The following GOLGA8J variants were observed in gnomAD, a reference collection of about 807,000 sequenced individuals.
GOLGA8J encodes the protein golgin subfamily A member 8J.
GOLGA8J carries 19 observed loss-of-function variants against 67.7 expected under a neutral mutation model. That is an observed-to-expected ratio of 0.28 (90% CI 0.20 to 0.41). The LOEUF (loss-of-function observed/expected upper bound fraction) is 0.41. Among genes scored for constraint, GOLGA8J ranks in the 10% least tolerant of loss-of-function variants. The pLI is 1.00. For missense variants in GOLGA8J, 205 were observed against 584.3 expected (o/e 0.35, Z 6.69); for synonymous variants, 69 against 215.9 (o/e 0.32, Z 5.97).
chr15:30,085,205 C>T (rs1413196193), intron 2 of GOLGA8J, among the ~76,000 whole-genome samples: 1 of 67,916 alleles, frequency 1.5e-5, no homozygotes, highest in Non-Finnish European at 2.4e-5. Context: ...TGGTGTGAAC[C>T]TGGGAGGTGG....
At chr15:30,091,873 G>T (rs2057408144) in intron 14 of GOLGA8J, 169 bp from the exon 15 acceptor site, 2 of 612,898 alleles carry the variant, frequency 3.3e-6, no homozygotes, top group South Asian at 1.9e-5. Flanking sequence ...AGTGTGCCTG[G>T]GCGGAATAGC....
rs1205561876 is a variant in GOLGA8J at position 30,088,668 on chromosome 15, G to A, written c.592-72G>A. 121 of 1,264,280 alleles carry A rather than the reference G, an allele frequency of 9.6e-5. 4 individuals are homozygous for A. Among genetic ancestry groups the A allele is most frequent in the Non-Finnish European group, 1.1e-4 (96 of 875,728 alleles). The allele number at this position is 1,264,280 out of a possible 1,614,324, so 78.3% of individuals were successfully genotyped here. On this transcript the variant is annotated intron_variant, in intron 8 of 18. Transcript: ENST00000567927. The stretch of plus-strand genomic sequence containing the variant: ...GAGTTGTATATTGGGCCTAGCCCTA[G>A]CCCTTTTAAGGGGCACTGTGTGGAA...
At position 30,091,575 on chromosome 15, in the gene GOLGA8J, C is replaced by A; in HGVS notation, c.1241C>A (p.Thr414Lys). ...EAASQQNQQL[T>K]AQLSLMALPG... ...GCCAGCCAGCAGAACCAGCAGCTAA[C>A]GGCCCAGCTGAGCCTCATGGCTCTC... Residue 414 changes from threonine (T) to lysine (K), a missense_variant, in exon 14 of 19, where the codon ACG (threonine) becomes AAG (lysine). Thr to Lys is a moderately conservative substitution (Grantham distance 78). Coordinates refer to ENST00000567927, the MANE Select transcript of GOLGA8J (RefSeq NM_001282472.2). The A allele has an allele frequency of 6.4e-7, 1 of 1,564,552 alleles. No individual in the cohort carries two copies. Among genetic ancestry groups the A allele is most frequent in the Non-Finnish European group, 8.6e-7 (1 of 1,163,886 alleles).
chr15:30,085,561 T>A (rs1256575877), intron 2 of GOLGA8J, among the ~76,000 whole-genome samples: 1 of 28,192 alleles, frequency 3.5e-5, no homozygotes, highest in Middle Eastern at 7.2e-3. Context: ...ACCAGGACAA[T>A]GAGAACAGCC....
Position 30,093,250 on chromosome 15 carries a change from C to T in GOLGA8J, c.1723+11C>T, listed in dbSNP as rs760456430. The T allele has an allele frequency of 6.3e-7, 1 of 1,583,950 alleles. No individual in the cohort carries two copies. The highest frequency in any genetic ancestry group is 1.7e-5 in the Admixed American group (1 of 57,608). On this transcript the variant is annotated intron_variant, in intron 18 of 18. Coordinates refer to ENST00000567927, the MANE Select transcript of GOLGA8J (RefSeq NM_001282472.2). ...CAGACAAGCATGGTCGTGAGTAGAG[C>T]CCTCAGGTGGGGTGGGCAGGCAGGA...
chr15:30,092,414 C>G, intron 15 of GOLGA8J: 1 of 236,194 alleles, frequency 4.2e-6, no homozygotes, highest in East Asian at 1.9e-4. Flanking sequence ...TCCGCTGGAG[C>G]TAGTGCCCAG....
intron 15 of GOLGA8J, 157 bp from the exon 16 acceptor site, chr15:30,092,550 TG>T (rs967959752): frequency 1.5e-6 from 1 of 647,916 alleles, no homozygotes; most frequent in African/African-American, 2.1e-5. Context: ...CCCCAGGGCC[TG>T]GGGGCGAGTC....
Position 30,092,070 on chromosome 15 carries a change from G to T in GOLGA8J, c.1305G>T (p.Glu435Asp), listed in dbSNP as rs560259389. 1.6e-5 allele frequency: 26 copies of T among 1,595,694 alleles called. 1 individual carries two copies. Among genetic ancestry groups the T allele is most frequent in the African/African-American group, 9.8e-5 (7 of 71,342 alleles). Residue 435 changes from glutamate to aspartate, a missense_variant, in exon 15 of 19, where the codon GAG (glutamate) becomes GAT (aspartate). Coordinates refer to ENST00000567927, the MANE Select transcript of GOLGA8J (RefSeq NM_001282472.2). ...EGHGGEHLDS[E>D]GEEAPRPMPS... ...ACGGAGGAGAACATCTGGACAGTGA[G>T]GGGGAGGAGGCACCTCGGCCCATGC...
intron 1 of GOLGA8J, among the ~76,000 whole-genome samples, 153 bp from the exon 2 acceptor site, chr15:30,084,618 C>A (rs1164658704): frequency 1.9e-5 from 2 of 103,888 alleles, no homozygotes; most frequent in Non-Finnish European, 3.5e-5. Context: ...ATCAATCCTT[C>A]TCAGTCACTA....
In GOLGA8J at chr15:30,090,413, G is replaced by A. The variant is rs532471531; in HGVS notation, c.1200+133G>A. 2.0e-5 allele frequency: 31 copies of A among 1,525,980 alleles called. No homozygotes were observed. The East Asian group carries it at 7.2e-4, about 35-fold the overall frequency. The allele number at this position is 1,525,980 out of a possible 1,614,324, so 94.5% of individuals were successfully genotyped here. Reference sequence around the variant, plus strand: ...GGTGACCACAGCACCCCCCAGGGCAGTCCTGTGACTGTTTCTTGCTTCCTG... The same window carrying A: ...GGTGACCACAGCACCCCCCAGGGCAATCCTGTGACTGTTTCTTGCTTCCTG... On this transcript the variant is annotated intron_variant, in intron 13 of 18. Transcript: ENST00000567927.
In GOLGA8J at chr15:30,094,323, T is replaced by C. The variant is rs1489052930; in HGVS notation, c.*824T>C. Among the ~76,000 whole-genome samples the C allele has an allele frequency of 1.4e-5, 2 of 148,014 alleles. No individual in the cohort carries two copies. The highest frequency in any genetic ancestry group is 6.7e-5 in the Admixed American group (1 of 14,990). ...TTTTCGATGACCTAAAAAGGGCTTA[T>C]TTCTGAGGAATGAAAGGTTCCCATC... On this transcript the variant is annotated 3_prime_UTR_variant, in exon 19 of 19. Transcript: ENST00000567927.
Position 30,084,734 on chromosome 15 carries a change from C to A in GOLGA8J, c.49-37C>A. Reference sequence around the variant, plus strand: ...AGGAGGATGTGGCTGTAGGGGCTGACGGTTCTCATGAGTATTACTGCTCTT... The same window carrying A: ...AGGAGGATGTGGCTGTAGGGGCTGAAGGTTCTCATGAGTATTACTGCTCTT... On this transcript the variant is annotated intron_variant, in intron 1 of 18. Transcript: ENST00000567927. The A allele has an allele frequency of 2.3e-6, 2 of 868,682 alleles. 1 individual carries two copies. The highest frequency in any genetic ancestry group is 3.7e-5 in the South Asian group (2 of 53,926). The allele number at this position is 868,682 out of a possible 1,614,324, so 53.8% of individuals were successfully genotyped here.
rs2057445385 is a variant in GOLGA8J at position 30,094,179 on chromosome 15, G to C, written c.*680G>C. On this transcript the variant is annotated 3_prime_UTR_variant, in exon 19 of 19. Coordinates refer to ENST00000567927, the MANE Select transcript of GOLGA8J (RefSeq NM_001282472.2). ...CTCTGGCAGGTACGTGCAGGATAGA[G>C]TGTGTTTCATCTGTTCCGGTGCCCG... Among the ~76,000 whole-genome samples, 1 of 144,402 alleles carries C rather than the reference G, an allele frequency of 6.9e-6. No individual in the cohort carries two copies. The highest frequency in any genetic ancestry group is 2.8e-5 in the African/African-American group (1 of 35,672). The allele number at this position is 144,402 out of a possible 152,430, so 94.7% of individuals were successfully genotyped here. A position where few individuals can be genotyped will look rare whatever the true frequency, so the allele number is the denominator to read the frequency against.
chr15:30,085,004 C>T lies in GOLGA8J; in HGVS notation c.168+114C>T, dbSNP rs1274865894. The T allele has an allele frequency of 5.3e-5, 59 of 1,123,634 alleles. 5 individuals are homozygous for T. Among genetic ancestry groups the T allele is most frequent in the Admixed American group, 8.3e-5 (3 of 36,322 alleles). 69.6% of individuals were successfully genotyped at this position (1,123,634 alleles called of 1,614,324 possible). A position where few individuals can be genotyped will look rare whatever the true frequency, so the allele number is the denominator to read the frequency against. On this transcript the variant is annotated intron_variant, in intron 2 of 18. Coordinates refer to ENST00000567927, the MANE Select transcript of GOLGA8J (RefSeq NM_001282472.2). ...ACTGGTTAAGAATTCTGGCTTTAGC[C>T]GGGTGTGGTGGCCCACGCCTGTAAT...
Position 30,094,481 on chromosome 15 carries a change from G to A in GOLGA8J, c.*982G>A, listed in dbSNP as rs1195927695. Among the ~76,000 whole-genome samples, 21 of 135,246 alleles carry A rather than the reference G, an allele frequency of 1.6e-4. No individual in the cohort carries two copies. The highest frequency in any genetic ancestry group is 5.3e-4 in the African/African-American group (15 of 28,104). The allele number at this position is 135,246 out of a possible 152,430, so 88.7% of individuals were successfully genotyped here. A position where few individuals can be genotyped will look rare whatever the true frequency, so the allele number is the denominator to read the frequency against. On this transcript the variant is annotated 3_prime_UTR_variant, in exon 19 of 19. Transcript: ENST00000567927. ...CCAGTACACAAAAGGGCACTGGTTG[G>A]CATTCTTCTTAATGTATTTAGTGAA...
chr15:30,084,746 G>C (rs1396342445), intron 1 of GOLGA8J, 25 bp from the exon 2 acceptor site: 2 of 980,828 alleles, frequency 2.0e-6, no homozygotes, highest in East Asian at 5.6e-5. Context: ...GTTCTCATGA[G>C]TATTACTGCT....
At chr15:30,090,401 C>T (rs1242544437) in intron 13 of GOLGA8J, 121 bp downstream of exon 13, 5 of 1,527,286 alleles carry the variant, frequency 3.3e-6, no homozygotes, top group South Asian at 2.3e-5. Flanking sequence ...GACCACAGCA[C>T]CCCCCAGGGC....
intron 11 of GOLGA8J, 133 bp downstream of exon 11, chr15:30,089,456 G>T (rs1028161057): frequency 5.1e-6 from 3 of 593,808 alleles, no homozygotes; most frequent in African/African-American, 2.5e-5. Flanking sequence ...GCCAGGAGAC[G>T]GCGAGTCTTG....
Position 30,094,046 on chromosome 15 carries a change from A to T in GOLGA8J, c.*547A>T, listed in dbSNP as rs199855774. On this transcript the variant is annotated 3_prime_UTR_variant, in exon 19 of 19. Coordinates refer to ENST00000567927, the MANE Select transcript of GOLGA8J (RefSeq NM_001282472.2). ...AGTACTGACATTTAGAGTTGTTTAA[A>T]GGCCAAGAACTGGAAACAGCCTTTC... is the stretch of plus-strand genomic sequence containing the variant. Among the ~76,000 whole-genome samples, 21 of 146,408 alleles carry T rather than the reference A, an allele frequency of 1.4e-4. 1 individual carries two copies. The highest frequency in any genetic ancestry group is 6.9e-3 in the Middle Eastern group (2 of 290).
Sources: gnomAD v4.1 joint callset for allele counts (sites outside exome capture counted in the v4.1 genomes callset) on GRCh38, gnomAD v4.1.1 for gene constraint, MANE v1.5 for transcripts, NCBI Gene and HGNC (gene_info 2026-07-23, HGNC 2026-07-21) for gene names.